Variants in ZNF804A observed in about 807,000 individuals in gnomAD.
The protein encoded by ZNF804A is zinc finger protein 804A.
Under a neutral mutation model 16.5 loss-of-function variants are expected in ZNF804A, and 2 were observed. That is an observed-to-expected ratio of 0.12 (90% CI 0.05 to 0.38). The LOEUF is 0.38. Ranked by LOEUF, ZNF804A falls within the 10% of genes least tolerant of loss-of-function variation. The probability of loss-of-function intolerance (pLI) is 0.99; values close to 1 mark genes in which losing one functional copy is unlikely to be tolerated. For missense variants in ZNF804A, 1,473 were observed against 1,390.7 expected, an observed-to-expected ratio of 1.06 and a Z score of -0.94; for synonymous variants, 534 against 489.6, an observed-to-expected ratio of 1.09 and a Z score of -1.20.
chr2:184,758,017 A>C (rs1179775319), intron 1 of ZNF804A, among the ~76,000 whole-genome samples: 1 of 151,988 alleles, frequency 6.6e-6, no homozygotes, highest in Non-Finnish European at 1.5e-5. Flanking sequence ...CAAGAATTGC[A>C]AAGCCTGGGA....
chr2:184,745,388 G>A (rs1693773409), intron 1 of ZNF804A, among the ~76,000 whole-genome samples: 1 of 151,716 alleles, frequency 6.6e-6, no homozygotes, highest in African/African-American at 2.4e-5. Context: ...AATAGCTAAT[G>A]TATTCAGTAT....
chr2:184,859,448 A>G (rs989270036), intron 1 of ZNF804A, among the ~76,000 whole-genome samples: 4 of 151,604 alleles, frequency 2.6e-5, no homozygotes, highest in Admixed American at 2.0e-4. Context: ...CCTTTATTCT[A>G]TATATTATTG....
At chr2:184,623,929 G>A (rs573359495) in intron 1 of ZNF804A, among the ~76,000 whole-genome samples, 12 of 152,220 alleles carry the variant, frequency 7.9e-5, no homozygotes, top group Non-Finnish European at 1.6e-4. Flanking sequence ...GATTTTAAGA[G>A]GAAAGCATAA....
chr2:184,726,744 T>C (rs1009317727), intron 1 of ZNF804A, among the ~76,000 whole-genome samples: 1 of 151,546 alleles, frequency 6.6e-6, no homozygotes, highest in Non-Finnish European at 1.5e-5. Context: ...AATATATATC[T>C]TAAAAATACT....
At chr2:184,789,629 G>T (rs1317915723) in intron 1 of ZNF804A, among the ~76,000 whole-genome samples, 1 of 152,006 alleles carries the variant, frequency 6.6e-6, no homozygotes, top group Non-Finnish European at 1.5e-5. Flanking sequence ...GCACAGAGGT[G>T]TTCATAGAAA....
rs185328000 is a variant in ZNF804A, at chr2:184,693,991, A to G, written c.111+94921A>G. On this transcript the variant is annotated intron_variant, in intron 1 of 3. Transcript: ENST00000302277. Reference sequence around the variant, plus strand: ...GCCACCCAGGCTGGAGTGCAGTGGCATGATCTGGACTCACTGCAAACTCCA... The same window carrying G: ...GCCACCCAGGCTGGAGTGCAGTGGCGTGATCTGGACTCACTGCAAACTCCA... Among the ~76,000 whole-genome samples the G allele has an allele frequency of 7.9e-3, 1,149 of 146,230 alleles. 21 individuals are homozygous for G. Among genetic ancestry groups the G allele is most frequent in the African/African-American group, 0.028 (1,092 of 39,140 alleles).
chr2:184,938,447 T>C lies in ZNF804A; in HGVS notation c.3051T>C (p.Phe1017=). 2 of 1,614,078 alleles carry C rather than the reference T, an allele frequency of 1.2e-6. No homozygotes were observed. Among genetic ancestry groups the C allele is most frequent in the Non-Finnish European group, 1.7e-6 (2 of 1,180,014 alleles). ...AAGCACATGTCAGTGGTCATACTTT[T>C]GTAACAGCTGAGCAAATCCTGGCTC... ...FKEAHVSGHT[F]VTAEQILAPL... is the part of the protein sequence containing the mutation. Residue 1017 remains phenylalanine (F), a synonymous_variant, in exon 4 of 4, where the codon TTT becomes TTC. Transcript: ENST00000302277.
intron 1 of ZNF804A, among the ~76,000 whole-genome samples, chr2:184,737,297 G>A (rs1336540605): frequency 6.6e-6 from 1 of 151,738 alleles, no homozygotes; most frequent in African/African-American, 2.4e-5. Context: ...TCCTGACCTC[G>A]TGATCCACCT....
chr2:184,650,255 G>T (rs577484629), intron 1 of ZNF804A, among the ~76,000 whole-genome samples: 1 of 152,054 alleles, frequency 6.6e-6, no homozygotes, highest in South Asian at 2.1e-4. Context: ...GACAAAATCC[G>T]AAATCCCTTC....
chr2:184,698,950 A>G (rs1015418573), intron 1 of ZNF804A, among the ~76,000 whole-genome samples: 2 of 152,116 alleles, frequency 1.3e-5, no homozygotes, highest in Non-Finnish European at 2.9e-5. Context: ...GTACCAATCA[A>G]TGGCAGGGAA....
chr2:184,642,694 A>G (rs1021043), intron 1 of ZNF804A, among the ~76,000 whole-genome samples: 59,909 of 151,930 alleles, frequency 0.39, 12,178 homozygotes, highest in Middle Eastern at 0.47. Context: ...TCCCCAACTC[A>G]TTCCTCCTAC....
intron 1 of ZNF804A, among the ~76,000 whole-genome samples, chr2:184,797,410 C>G (rs1046453325): frequency 6.6e-6 from 1 of 152,064 alleles, no homozygotes; most frequent in Non-Finnish European, 1.5e-5. Flanking sequence ...ACCACTGTTG[C>G]TTTAAAGTTT....
chr2:184,878,290 C>T (rs962073045), intron 2 of ZNF804A, among the ~76,000 whole-genome samples: 1 of 152,062 alleles, frequency 6.6e-6, no homozygotes, highest in Non-Finnish European at 1.5e-5. Context: ...GAGGGCACAA[C>T]TAGACTCAGA....
At chr2:184,722,295 G>A (rs1269605686) in intron 1 of ZNF804A, among the ~76,000 whole-genome samples, 1 of 152,028 alleles carries the variant, frequency 6.6e-6, no homozygotes, top group Non-Finnish European at 1.5e-5. Context: ...ATCATCCGAT[G>A]ATTTAAAATG....
At chr2:184,807,753 G>A (rs1330992544) in intron 1 of ZNF804A, among the ~76,000 whole-genome samples, 2 of 151,726 alleles carry the variant, frequency 1.3e-5, no homozygotes, top group East Asian at 1.9e-4. Flanking sequence ...AATCTAATGT[G>A]TATTGTTTAT....
At chr2:184,772,265 C>T (rs1411229844) in intron 1 of ZNF804A, among the ~76,000 whole-genome samples, 1 of 132,152 alleles carries the variant, frequency 7.6e-6, no homozygotes, top group Non-Finnish European at 1.7e-5. Flanking sequence ...TCCCCTTGAC[C>T]AAAAAAAAAA....
intron 1 of ZNF804A, among the ~76,000 whole-genome samples, chr2:184,761,741 G>A (rs1228818915): frequency 6.6e-6 from 1 of 152,102 alleles, no homozygotes; most frequent in Non-Finnish European, 1.5e-5. Flanking sequence ...GTGGCACAAT[G>A]AAAGTATGTT....
chr2:184,663,344 C>T (rs1052531603), intron 1 of ZNF804A, among the ~76,000 whole-genome samples: 26 of 152,248 alleles, frequency 1.7e-4, no homozygotes, highest in African/African-American at 4.6e-4. Flanking sequence ...TGGGTATGCA[C>T]GTGCCGGGTG....
intron 1 of ZNF804A, among the ~76,000 whole-genome samples, chr2:184,688,086 T>C (rs1024456952): frequency 6.6e-6 from 1 of 152,168 alleles, no homozygotes; most frequent in Non-Finnish European, 1.5e-5. Flanking sequence ...ACCACTGCAC[T>C]GCAGCCTGGG....
Sources: gnomAD v4.1 joint callset for allele counts (sites outside exome capture counted in the v4.1 genomes callset) on GRCh38, gnomAD v4.1.1 for gene constraint, MANE v1.5 for transcripts, NCBI Gene and HGNC (gene_info 2026-07-23, HGNC 2026-07-21) for gene names.